Variants in DIP2B observed in about 807,000 individuals in gnomAD.
The protein encoded by DIP2B is disco-interacting protein 2 homolog B.
A neutral mutation model predicts 198.0 loss-of-function variants in DIP2B; 76 were observed. The observed-to-expected ratio is 0.38, with a 90% confidence interval of 0.32 to 0.46. The LOEUF is 0.46. Ranked by LOEUF, DIP2B falls within the 20% of genes least tolerant of loss-of-function variation. The pLI, the probability that DIP2B is intolerant of heterozygous loss-of-function variation, is 0.99. For missense variants in DIP2B, 1,559 were observed against 1,978.4 expected (o/e 0.79, Z 4.02); for synonymous variants, 701 against 739.1 (o/e 0.95, Z 0.84).
intron 1 of DIP2B, among the ~76,000 whole-genome samples, chr12:50,612,964 A>G (rs1959044193): frequency 6.6e-6 from 1 of 152,184 alleles, no homozygotes; most frequent in African/African-American, 2.4e-5. Context: ...AACATAACTA[A>G]AAACATTCTG....
chr12:50,642,094 C>T (rs745683824), intron 3 of DIP2B, among the ~76,000 whole-genome samples: 2 of 151,392 alleles, frequency 1.3e-5, no homozygotes, highest in Non-Finnish European at 2.9e-5. Context: ...TTTTCACACA[C>T]AGAAGGAGAA....
At chr12:50,721,494 C>G (rs1565881946) in intron 26 of DIP2B, 98 bp downstream of exon 26, 2 of 1,535,322 alleles carry the variant, frequency 1.3e-6, no homozygotes, top group Admixed American at 3.7e-5. Context: ...CTATGACTTG[C>G]AAGCAGTGTA....
intron 6 of DIP2B, among the ~76,000 whole-genome samples, chr12:50,674,952 C>G (rs57244515): frequency 0.011 from 1,611 of 152,296 alleles, 32 homozygotes; most frequent in African/African-American, 0.037. Flanking sequence ...ATCATGAGGT[C>G]AGGAGATCGA....
At position 50,724,846 on chromosome 12, in the gene DIP2B, A is replaced by G; in HGVS notation, c.3360A>G (p.Ala1120=). The G allele has an allele frequency of 6.2e-7, 1 of 1,614,210 alleles. No homozygotes were observed. ...MRLLRSREAA[A]AVDVKTWPTI... ...TACTGAGGTCCCGAGAGGCAGCAGC[A>G]GCTGTGGATGTGAAAACCTGGCCAA... Residue 1120 remains alanine (A), a synonymous_variant, in exon 28 of 38, where the codon GCA becomes GCG. Transcript: ENST00000301180.
intron 1 of DIP2B, among the ~76,000 whole-genome samples, chr12:50,521,375 G>C (rs1001597328): frequency 6.6e-6 from 1 of 151,566 alleles, no homozygotes; most frequent in Non-Finnish European, 1.5e-5. Context: ...AAAGTGCTGG[G>C]ATTATAGGCA....
rs372100115 is a variant in DIP2B at position 50,732,471 on chromosome 12, G to A, written c.3916G>A (p.Gly1306Arg). ...QSFSKLFKDIGLSPRAVSTTF... is the reference protein window; with the variant it reads ...QSFSKLFKDIRLSPRAVSTTF... ...CTTCTCTAAGCTCTTCAAAGACATC[G>A]GGCTGTCCCCGCGGGCTGTCAGCAC... Residue 1306 changes from glycine to arginine, a missense_variant, in exon 32 of 38, where the codon GGG becomes AGG. Physicochemically the swap from Gly to Arg is moderately radical, Grantham distance 125. Coordinates refer to ENST00000301180, the MANE Select transcript of DIP2B (RefSeq NM_173602.3). 9.3e-6 allele frequency: 15 copies of A among 1,614,196 alleles called. No homozygotes were observed. Among genetic ancestry groups the A allele is most frequent in the Admixed American group, 5.0e-5 (3 of 60,020 alleles).
Position 50,714,259 on chromosome 12 carries a change from T to A in DIP2B, c.2650-136T>A, listed in dbSNP as rs561751361. 4.8e-6 allele frequency: 4 copies of A among 830,786 alleles called. No individual in the cohort carries two copies. The South Asian group carries it at 6.9e-5, about 14-fold the overall frequency. 51.5% of individuals were successfully genotyped at this position (830,786 alleles called of 1,614,324 possible). A position where few individuals can be genotyped will look rare whatever the true frequency, so the allele number is the denominator to read the frequency against. On this transcript the variant is annotated intron_variant, in intron 22 of 37. Coordinates refer to ENST00000301180, the MANE Select transcript of DIP2B (RefSeq NM_173602.3). Reference sequence around the variant, plus strand: ...TTTAAATCTCTAGATATATGGAATCTTAGTGATCTGCCAGATTCTAGATCT... The same window carrying A: ...TTTAAATCTCTAGATATATGGAATCATAGTGATCTGCCAGATTCTAGATCT...
rs1940350761 is a variant in DIP2B at position 50,747,100 on chromosome 12, A to G, written c.*2261A>G. ...ATTTCAACATAGGATCAATATAAAA[A>G]TTATTAATGAGTTATTTTACTTTTT... On this transcript the variant is annotated 3_prime_UTR_variant, in exon 38 of 38. Coordinates refer to ENST00000301180, the MANE Select transcript of DIP2B (RefSeq NM_173602.3). 6.6e-6 allele frequency: 1 copy of G among 152,240 alleles called. No homozygotes were observed. Among genetic ancestry groups the G allele is most frequent in the Non-Finnish European group, 1.5e-5 (1 of 68,038 alleles). The allele number at this position is 152,240 out of a possible 1,614,324, so 9.4% of individuals were successfully genotyped here.
At chr12:50,509,372 T>C (rs1449826661) in intron 1 of DIP2B, among the ~76,000 whole-genome samples, 6 of 152,208 alleles carry the variant, frequency 3.9e-5, no homozygotes, top group African/African-American at 1.4e-4. Context: ...TTCCTATACT[T>C]CTGTGGCATG....
At chr12:50,518,268 A>C (rs1467438148) in intron 1 of DIP2B, among the ~76,000 whole-genome samples, 1 of 147,288 alleles carries the variant, frequency 6.8e-6, no homozygotes. Flanking sequence ...CTTATTGCCC[A>C]GGCTGGAGTG....
chr12:50,509,985 A>G (rs559844413), intron 1 of DIP2B, among the ~76,000 whole-genome samples: 1 of 152,336 alleles, frequency 6.6e-6, no homozygotes, highest in South Asian at 2.1e-4. Flanking sequence ...TTTGGTGGGC[A>G]GGAGCTCATC....
chr12:50,667,420 T>G (rs1394772631), intron 4 of DIP2B, among the ~76,000 whole-genome samples: 3 of 152,230 alleles, frequency 2.0e-5, no homozygotes, highest in Admixed American at 2.0e-4. Flanking sequence ...ATGATAAATT[T>G]CTATTATTTA....
intron 3 of DIP2B, among the ~76,000 whole-genome samples, chr12:50,648,664 CCTT>C (rs747033516): frequency 0.28 from 39,002 of 140,398 alleles, 6,151 homozygotes; most frequent in Non-Finnish European, 0.35. Context: ...CGCCCAGCCC[CCTT>C]TTTTTTTTTT....
intron 1 of DIP2B, among the ~76,000 whole-genome samples, chr12:50,595,998 A>G (rs1958875777): frequency 6.6e-6 from 1 of 152,140 alleles, no homozygotes; most frequent in Non-Finnish European, 1.5e-5. Context: ...AGGAATTTAT[A>G]ATGTTCAGTA....
rs544720201 is a variant in DIP2B, at chr12:50,586,852, C to T, written c.101-39124C>T. 3.9e-5 allele frequency among the ~76,000 whole-genome samples: 6 copies of T among 152,294 alleles called. No homozygotes were observed. In the East Asian group the frequency reaches 5.8e-4, roughly 15 times the overall value. On this transcript the variant is annotated intron_variant, in intron 1 of 37. Transcript: ENST00000301180. ...CCTCCCAAAGTGTTGGGATTACAGGCGTGAGCCACTGTGCCCGGCAAAAAA... is the reference window on the plus strand; with the variant it reads ...CCTCCCAAAGTGTTGGGATTACAGGTGTGAGCCACTGTGCCCGGCAAAAAA...
chr12:50,673,848 G>A (rs1451389914), intron 5 of DIP2B, among the ~76,000 whole-genome samples: 1 of 152,192 alleles, frequency 6.6e-6, no homozygotes, highest in East Asian at 1.9e-4. Context: ...TCTACCTGGA[G>A]CAAAGGAAGA....
chr12:50,683,243 A>G lies in DIP2B; in HGVS notation c.1312A>G (p.Arg438Gly), dbSNP rs1939074955. The G allele has an allele frequency of 1.2e-6, 2 of 1,608,626 alleles. No homozygotes were observed. Among genetic ancestry groups the G allele is most frequent in the Non-Finnish European group, 1.7e-6 (2 of 1,178,078 alleles). The change falls in exon 10 of 38, where the codon AGA becomes GGA. Residue 438 changes from arginine (R) to glycine (G), a missense_variant. Physicochemically the swap from Arg to Gly is moderately radical, Grantham distance 125. Coordinates refer to ENST00000301180, the MANE Select transcript of DIP2B (RefSeq NM_173602.3). ...AGTGCCTATAGAGGTACCTCTTACCAGAAAGGTAACATTGCTAAATTTAAG... is the reference window on the plus strand; with the variant it reads ...AGTGCCTATAGAGGTACCTCTTACCGGAAAGGTAACATTGCTAAATTTAAG... ...IPVPIEVPLT[R>G]KDAGGQQIGF...
chr12:50,515,281 C>T (rs1252147622), intron 1 of DIP2B, among the ~76,000 whole-genome samples: 1 of 149,524 alleles, frequency 6.7e-6, no homozygotes, highest in African/African-American at 2.5e-5. Context: ...GTTTCCTAGG[C>T]TGGAGTGCAA....
At position 50,744,826 on chromosome 12, in the gene DIP2B, C is replaced by G. The variant is rs1482903998; in HGVS notation, c.4718C>G (p.Ala1573Gly). The G allele has an allele frequency of 6.2e-7, 1 of 1,614,158 alleles. No homozygotes were observed. The highest frequency in any genetic ancestry group is 1.7e-5 in the Admixed American group (1 of 60,012). ...LADQLDPIYV[A>G]YNM ...GACCAGTTAGACCCCATCTACGTGG[C>G]TTATAACATGTAACCAGCCTTGTGG... Residue 1573 changes from alanine (A) to glycine (G), a missense_variant, in exon 38 of 38, where the codon GCT becomes GGT. Transcript: ENST00000301180.
Sources: allele counts gnomAD v4.1 joint callset (sites outside exome capture counted in the v4.1 genomes callset), GRCh38; gene constraint gnomAD v4.1.1; transcripts MANE v1.5; gene names NCBI Gene and HGNC (gene_info 2026-07-23, HGNC 2026-07-21).